Variants in PASD1 observed in about 807,000 individuals in gnomAD.
The protein encoded by PASD1 is circadian clock protein PASD1.
Under a neutral mutation model 58.8 loss-of-function variants are expected in PASD1, and 13 were observed. That is an observed-to-expected ratio of 0.22 (90% confidence interval 0.14 to 0.35). The LOEUF is 0.35. Ranked by LOEUF, PASD1 falls within the 10% of genes least tolerant of loss-of-function variation. The probability of loss-of-function intolerance (pLI) is 1.00; values close to 1 mark genes in which losing one functional copy is unlikely to be tolerated. For missense variants in PASD1, 734 were observed against 568.3 expected (o/e 1.29, Z -2.96); for synonymous variants, 236 against 216.7 (o/e 1.09, Z -0.78).
At chrX:151,670,563 G>A (rs770943450) in intron 11 of PASD1, among the ~76,000 whole-genome samples, 2 of 112,248 alleles carry the variant, frequency 1.8e-5, no homozygotes, top group African/African-American at 6.5e-5. Context: ...AACAATAATA[G>A]TACCTGCTTT....
chrX:151,659,801 G>T lies in PASD1; in HGVS notation c.806G>T (p.Ser269Ile), dbSNP rs1363754210. ...FVDSDSTYCS[S>I]TVFLDTMPES... is the part of the protein sequence containing the mutation. ...GATTCTGATTCAACTTATTGCTCCA[G>T]TACAGTTTTCCTGGATACTATGCCT... The change falls in exon 10 of 16, where the codon AGT becomes ATT. Residue 269 changes from serine (S) to isoleucine (I), a missense_variant. Transcript: ENST00000370357. The T allele has an allele frequency of 8.3e-7, 1 of 1,205,456 alleles. No homozygotes were observed. The highest frequency in any genetic ancestry group is 1.1e-6 in the Non-Finnish European group (1 of 891,345).
intron 1 of PASD1, among the ~76,000 whole-genome samples, chrX:151,570,837 T>A (rs1399183080): frequency 8.9e-6 from 1 of 112,457 alleles, no homozygotes; most frequent in African/African-American, 3.2e-5. Flanking sequence ...GGTGGTTGAT[T>A]CATTCTTTTA....
At chrX:151,582,872 A>C (rs933574151) in intron 1 of PASD1, among the ~76,000 whole-genome samples, 8 of 111,761 alleles carry the variant, frequency 7.2e-5, no homozygotes, top group Non-Finnish European at 1.3e-4. Context: ...ACACTTTGTC[A>C]GCATAGTTAT....
At chrX:151,611,331 A>G (rs35862710) in intron 3 of PASD1, among the ~76,000 whole-genome samples, 42,660 of 110,838 alleles carry the variant, frequency 0.38, 6,186 homozygotes, top group African/African-American at 0.44. Flanking sequence ...TATTTTTAAC[A>G]TTTTTGAAAT....
chrX:151,673,548 G>T (rs2014505063), intron 14 of PASD1: 3 of 227,221 alleles, frequency 1.3e-5, no homozygotes, highest in Non-Finnish European at 1.6e-5. Flanking sequence ...GCTTAGGGTT[G>T]TGGAGAGAGC....
At chrX:151,666,503 T>G (rs907652597) in intron 11 of PASD1, among the ~76,000 whole-genome samples, 2 of 109,066 alleles carry the variant, frequency 1.8e-5, no homozygotes, top group African/African-American at 6.7e-5. Flanking sequence ...CATTTAACAT[T>G]AGGTATATCT....
intron 1 of PASD1, among the ~76,000 whole-genome samples, chrX:151,569,042 A>G (rs772910833): frequency 1.8e-5 from 2 of 111,417 alleles, no homozygotes; most frequent in South Asian, 3.8e-4. Context: ...ATTTCCATTG[A>G]TTTTGCAATT....
At position 151,664,524 on chromosome X, in the gene PASD1, A is replaced by G. The variant is rs902395776; in HGVS notation, c.1071+176A>G. Among the ~76,000 whole-genome samples the G allele has an allele frequency of 3.6e-5, 4 of 112,620 alleles. 1 individual carries two copies. The South Asian group carries it at 1.1e-3, about 31-fold the overall frequency. Reference sequence around the variant, plus strand: ...ATTTTCAGATGCCGTTGAGAACTCAATGGACCCTCACAAACAGGGAGATTG... The same window carrying G: ...ATTTTCAGATGCCGTTGAGAACTCAGTGGACCCTCACAAACAGGGAGATTG... On this transcript the variant is annotated intron_variant, in intron 11 of 15. Transcript: ENST00000370357.
At chrX:151,608,588 A>C (rs1293187688) in intron 3 of PASD1, among the ~76,000 whole-genome samples, 1 of 111,789 alleles carries the variant, frequency 8.9e-6, no homozygotes, top group African/African-American at 3.2e-5. Flanking sequence ...ATCCTTACCT[A>C]CCACAAGGTA....
At chrX:151,633,077 T>C (rs1187118408) in intron 8 of PASD1, among the ~76,000 whole-genome samples, 10 of 111,678 alleles carry the variant, frequency 9.0e-5, no homozygotes. Flanking sequence ...TGTCTGGTGA[T>C]TTCTTCAATA....
rs1172117682 is a variant in PASD1 at position 151,656,070 on chromosome X, T to C, written c.718-3643T>C. On this transcript the variant is annotated intron_variant, in intron 9 of 15. Coordinates refer to ENST00000370357, the MANE Select transcript of PASD1 (RefSeq NM_173493.3). ...AGGGATCCAGTTTCAGCTTTCAACA[T>C]ATGTCTAGCCAGTTTTCCCAGCACC... Among the ~76,000 whole-genome samples the C allele has an allele frequency of 5.3e-5, 6 of 112,378 alleles. No individual in the cohort carries two copies. The Admixed American group carries it at 5.7e-4, about 11-fold the overall frequency.
At chrX:151,675,358 C>A (rs1569418322) in intron 15 of PASD1, among the ~76,000 whole-genome samples, 2 of 111,875 alleles carry the variant, frequency 1.8e-5, no homozygotes, top group African/African-American at 3.3e-5. Flanking sequence ...TGGCACCTTT[C>A]TGCCTGCAGG....
intron 2 of PASD1, among the ~76,000 whole-genome samples, chrX:151,603,160 A>G (rs925647913): frequency 8.9e-6 from 1 of 112,685 alleles, no homozygotes; most frequent in Non-Finnish European, 1.9e-5. Flanking sequence ...AAGAACAGTC[A>G]CCTTATTTTT....
At chrX:151,666,863 A>G (rs1163133291) in intron 11 of PASD1, among the ~76,000 whole-genome samples, 2 of 105,999 alleles carry the variant, frequency 1.9e-5, no homozygotes, top group Admixed American at 1.0e-4. Flanking sequence ...ATGTGTCTTT[A>G]TAGCAGCATG....
At chrX:151,608,449 A>G (rs986095225) in intron 3 of PASD1, among the ~76,000 whole-genome samples, 1 of 111,644 alleles carries the variant, frequency 9.0e-6, no homozygotes, top group South Asian at 3.7e-4. Context: ...CTTGCTAGTT[A>G]TGTGTTGCAA....
chrX:151,595,578 T>C (rs1205433416), intron 1 of PASD1, among the ~76,000 whole-genome samples: 1 of 107,866 alleles, frequency 9.3e-6, no homozygotes, highest in Non-Finnish European at 1.9e-5. Flanking sequence ...AAAAAAAATG[T>C]ACCCGGCGTT....
rs377101222 is a variant in PASD1 at position 151,670,161 on chromosome X, G to C, written c.1072-877G>C. On this transcript the variant is annotated intron_variant, in intron 11 of 15. Coordinates refer to ENST00000370357, the MANE Select transcript of PASD1 (RefSeq NM_173493.3). ...GAATTACTCCCACAGCCTTCTAATT[G>C]ACTTTTCCCAAACTCCACGCTTCGT... Among the ~76,000 whole-genome samples the C allele has an allele frequency of 4.5e-5, 5 of 111,384 alleles. No individual in the cohort carries two copies. The East Asian group carries it at 1.4e-3, about 32-fold the overall frequency.
At chrX:151,583,521 T>G (rs1055061456) in intron 1 of PASD1, among the ~76,000 whole-genome samples, 11 of 112,067 alleles carry the variant, frequency 9.8e-5, no homozygotes, top group Middle Eastern at 4.6e-3. Context: ...GTAGTTTTTT[T>G]TGTGTGTGTG....
At chrX:151,637,373 T>TTTTG (rs954514717) in intron 8 of PASD1, among the ~76,000 whole-genome samples, 1 of 111,454 alleles carries the variant, frequency 9.0e-6, no homozygotes, top group Admixed American at 9.5e-5. Context: ...TTTGTTTGTT[T>TTTTG]TTTGTTTGTT....
Sources: allele counts gnomAD v4.1 joint callset (sites outside exome capture counted in the v4.1 genomes callset), GRCh38; gene constraint gnomAD v4.1.1; transcripts MANE v1.5; gene names NCBI Gene and HGNC (gene_info 2026-07-23, HGNC 2026-07-21).